Variants in HRCT1 observed in about 807,000 individuals in gnomAD.
HRCT1 encodes histidine-rich carboxyl terminus protein 1.
For synonymous variants in HRCT1, 76 were observed against 69.0 expected (o/e 1.10, Z -0.50); for missense variants, 185 against 161.3 (o/e 1.15, Z -0.80).
Position 35,906,598 on chromosome 9 carries a change from A to ACCACCACCACCCCCACCACCCCCACCC in HRCT1, c.316_317insACCACCCCCACCACCCCCACCCCCACC (p.His105_Pro106insHisHisProHisHisProHisProHis). On this transcript the variant is annotated inframe_insertion, in exon 1 of 1. Transcript: ENST00000354323. ...ACCCCTCACCACCTCCACCACCACCACCACCCCCACCGCCACCATCCCCGC... is the reference window on the plus strand; with the variant it reads ...ACCCCTCACCACCTCCACCACCACCACCACCACCACCCCCACCACCCCCACCCCCACCCCCACCGCCACCATCCCCGC... 17 of 1,194,686 alleles carry ACCACCACCACCCCCACCACCCCCACCC rather than the reference A, an allele frequency of 1.4e-5. No homozygotes were observed. In the East Asian group the frequency reaches 5.6e-4, roughly 39 times the overall value. The allele number at this position is 1,194,686 out of a possible 1,614,324, so 74.0% of individuals were successfully genotyped here.
the HRCT1 span, chr9:35,906,604 C>CCACCACCACCCCCACCACCACCA: frequency 1.7e-6 from 2 of 1,157,698 alleles, no homozygotes; most frequent in African/African-American, 5.8e-5. Context: ...CACCACCACC[C>CCACCACCACCCCCACCACCACCA]CCACCGCCAC....
chr9:35,906,590 C>CCCCT, the HRCT1 span: 13 of 1,478,906 alleles, frequency 8.8e-6, no homozygotes, highest in South Asian at 1.2e-5. Context: ...ACCACCTCCA[C>CCCCT]CACCACCACC....
chr9:35,906,590 C>A lies in HRCT1; in HGVS notation c.303C>A (p.His101Gln). 2 of 1,478,966 alleles carry A rather than the reference C, an allele frequency of 1.4e-6. No homozygotes were observed. The highest frequency in any genetic ancestry group is 1.8e-6 in the Non-Finnish European group (2 of 1,116,906). The allele number at this position is 1,478,966 out of a possible 1,614,324, so 91.6% of individuals were successfully genotyped here. ...HHPRHTPHHL[H>Q]HHHHPHRHHP... Reference sequence around the variant, plus strand: ...CCCGCCACACCCCTCACCACCTCCACCACCACCACCACCCCCACCGCCACC... The same window carrying A: ...CCCGCCACACCCCTCACCACCTCCAACACCACCACCACCCCCACCGCCACC... Residue 101 changes from histidine (H) to glutamine (Q), a missense_variant, in exon 1 of 1, where the codon CAC becomes CAA. His to Gln is a conservative substitution (Grantham distance 24, BLOSUM62 0). Coordinates refer to ENST00000354323, the MANE Select transcript of HRCT1 (RefSeq NM_001039792.2).
Position 35,906,547 on chromosome 9 carries a change from T to TCCACCA in HRCT1, c.272_277dup (p.His91_His92dup), listed in dbSNP as rs750046144. 6.6e-5 allele frequency: 98 copies of TCCACCA among 1,486,978 alleles called. No homozygotes were observed. The African/African-American group carries it at 1.4e-3, about 21-fold the overall frequency. 92.1% of individuals were successfully genotyped at this position (1,486,978 alleles called of 1,614,324 possible). A position where few individuals can be genotyped will look rare whatever the true frequency, so the allele number is the denominator to read the frequency against. ...GTATCTCATGTGCCGAATGTGGGCC[T>TCCACCA]CCACCACCACCACCACCCCCGCCAC... On this transcript the variant is annotated inframe_insertion, in exon 1 of 1. Transcript: ENST00000354323.
Position 35,906,429 on chromosome 9 carries a change from G to A in HRCT1, c.142G>A (p.Ala48Thr), listed in dbSNP as rs1421885975. The A allele has an allele frequency of 6.2e-7, 1 of 1,612,948 alleles. No individual in the cohort carries two copies. Among genetic ancestry groups the A allele is most frequent in the East Asian group, 2.2e-5 (1 of 44,898 alleles). The change falls in exon 1 of 1, where the codon GCA (alanine) becomes ACA (threonine). Residue 48 changes from alanine (A) to threonine (T), a missense_variant. Transcript: ENST00000354323. ...TGACGTGGAGAGGAACCGTACAGCTGCAGGGGGAAACCGAGTCCGCCGGGC... is the reference window on the plus strand; with the variant it reads ...TGACGTGGAGAGGAACCGTACAGCTACAGGGGGAAACCGAGTCCGCCGGGC... ...DCDVERNRTA[A>T]GGNRVRRAQP...
rs758843532 is a variant in HRCT1 at position 35,906,439 on chromosome 9, A to C, written c.152A>C (p.Asn51Thr). 6 of 1,612,780 alleles carry C rather than the reference A, an allele frequency of 3.7e-6. No individual in the cohort carries two copies. The highest frequency in any genetic ancestry group is 4.2e-6 in the Non-Finnish European group (5 of 1,179,968). The change falls in exon 1 of 1, where the codon AAC (asparagine) becomes ACC (threonine). Residue 51 changes from asparagine to threonine, a missense_variant. Physicochemically the swap from Asn to Thr is moderately conservative, Grantham distance 65. Transcript: ENST00000354323. ...VERNRTAAGG[N>T]RVRRAQPWPF... ...AGGAACCGTACAGCTGCAGGGGGAA[A>C]CCGAGTCCGCCGGGCCCAGCCTTGG...
At position 35,906,578 on chromosome 9, in the gene HRCT1, T is replaced by TCACCACCACCAC. The variant is rs1554690872; in HGVS notation, c.298_299insACCACCACCACC (p.His99_Leu100insHisHisHisHis). ...ACCACCACCACCCCCGCCACACCCC[T>TCACCACCACCAC]CACCACCTCCACCACCACCACCACC... is the stretch of plus-strand genomic sequence containing the variant. On this transcript the variant is annotated inframe_insertion, in exon 1 of 1. Transcript: ENST00000354323. The TCACCACCACCAC allele has an allele frequency of 5.5e-6, 7 of 1,277,896 alleles. No homozygotes were observed. The South Asian group carries it at 6.2e-5, about 11-fold the overall frequency. 79.2% of individuals were successfully genotyped at this position (1,277,896 alleles called of 1,614,324 possible). A position where few individuals can be genotyped will look rare whatever the true frequency, so the allele number is the denominator to read the frequency against.
At position 35,906,568 on chromosome 9, in the gene HRCT1, GCCACACCCCTCACCACCT is replaced by G; in HGVS notation, c.286_303del (p.Thr96_His101del). ...GGCCTCCACCACCACCACCACCCCC[GCCACACCCCTCACCACCT>G]CCACCACCACCACCACCCCCACCGC... On this transcript the variant is annotated inframe_deletion, in exon 1 of 1. Transcript: ENST00000354323. The G allele has an allele frequency of 2.0e-6, 2 of 995,206 alleles. No individual in the cohort carries two copies. The highest frequency in any genetic ancestry group is 2.9e-6 in the Non-Finnish European group (2 of 701,134). 61.6% of individuals were successfully genotyped at this position (995,206 alleles called of 1,614,324 possible). A position where few individuals can be genotyped will look rare whatever the true frequency, so the allele number is the denominator to read the frequency against.
At position 35,906,278 on chromosome 9, in the gene HRCT1, C is replaced by T. The variant is rs771326655; in HGVS notation, c.-10C>T. The T allele has an allele frequency of 4.3e-5, 68 of 1,590,410 alleles. No homozygotes were observed. The East Asian group carries it at 9.6e-4, about 23-fold the overall frequency. ...AGCTGCTGGGCAGAGAGGGACTGTCCGGCTCCCAGATGCTGGGCCTCCTGG... is the reference window on the plus strand; with the variant it reads ...AGCTGCTGGGCAGAGAGGGACTGTCTGGCTCCCAGATGCTGGGCCTCCTGG... On this transcript the variant is annotated 5_prime_UTR_variant, in exon 1 of 1. Coordinates refer to ENST00000354323, the MANE Select transcript of HRCT1 (RefSeq NM_001039792.2).
In HRCT1 at chr9:35,906,902, T is replaced by G; in HGVS notation, c.*267T>G. The G allele has an allele frequency of 2.0e-6, 1 of 509,374 alleles. No homozygotes were observed. Among genetic ancestry groups the G allele is most frequent in the Non-Finnish European group, 3.6e-6 (1 of 277,580 alleles). The allele number at this position is 509,374 out of a possible 1,614,324, so 31.6% of individuals were successfully genotyped here. On this transcript the variant is annotated 3_prime_UTR_variant, in exon 1 of 1. Transcript: ENST00000354323. ...CTCTTTCGGGGCTGGACAGCCCGTC[T>G]TGTGACAGTGACTCCCAGTGAGCCC... is the stretch of plus-strand genomic sequence containing the variant.
Position 35,906,761 on chromosome 9 carries a change from C to G in HRCT1, c.*126C>G. On this transcript the variant is annotated 3_prime_UTR_variant, in exon 1 of 1. Transcript: ENST00000354323. ...TGGGGTGAACGAGGGGAACAATAGA[C>G]TGGGGCTTGCTCCAGCTGCATTTGC... 7.5e-7 allele frequency: 1 copy of G among 1,329,004 alleles called. No homozygotes were observed. The allele number at this position is 1,329,004 out of a possible 1,614,324, so 82.3% of individuals were successfully genotyped here.
Position 35,906,246 on chromosome 9 carries a change from AG to A in HRCT1, c.-41del. On this transcript the variant is annotated 5_prime_UTR_variant, in exon 1 of 1. It adds an upstream start codon to the 5' untranslated region. Transcript: ENST00000354323. ...CGGAGGCTGCTGAAGGGGAGAAAGGAGTGAGGAGCTGCTGGGCAGAGAGGGA... is the reference window on the plus strand; with the variant it reads ...CGGAGGCTGCTGAAGGGGAGAAAGGATGAGGAGCTGCTGGGCAGAGAGGGA... 6.4e-7 allele frequency: 1 copy of A among 1,559,010 alleles called. No homozygotes were observed. The highest frequency in any genetic ancestry group is 8.7e-7 in the Non-Finnish European group (1 of 1,150,982).
chr9:35,906,717 A>G lies in HRCT1; in HGVS notation c.*82A>G, dbSNP rs890817444. On this transcript the variant is annotated 3_prime_UTR_variant, in exon 1 of 1. Coordinates refer to ENST00000354323, the MANE Select transcript of HRCT1 (RefSeq NM_001039792.2). ...CAGGACAAGTGGACCCCATGTTTCC[A>G]TGTGGAAGGATGCATCTCTGGGGTG... 5.4e-6 allele frequency: 8 copies of G among 1,491,416 alleles called. No individual in the cohort carries two copies. The African/African-American group carries it at 1.1e-4, about 21-fold the overall frequency. 92.4% of individuals were successfully genotyped at this position (1,491,416 alleles called of 1,614,324 possible). A position where few individuals can be genotyped will look rare whatever the true frequency, so the allele number is the denominator to read the frequency against.
In HRCT1 at chr9:35,906,598, A is replaced by ACCACCC. The variant is rs762598108; in HGVS notation, c.317_322dup (p.Pro106_His107dup). 7,544 of 1,194,996 alleles carry ACCACCC rather than the reference A, an allele frequency of 6.3e-3. 76 individuals are homozygous for ACCACCC. The highest frequency in any genetic ancestry group is 0.012 in the East Asian group (372 of 30,292). 74.0% of individuals were successfully genotyped at this position (1,194,996 alleles called of 1,614,324 possible). ...ACCCCTCACCACCTCCACCACCACC[A>ACCACCC]CCACCCCCACCGCCACCATCCCCGC... On this transcript the variant is annotated inframe_insertion, in exon 1 of 1. Transcript: ENST00000354323.
chr9:35,906,610 G>GCCA lies in HRCT1; in HGVS notation c.327_329dup (p.His110dup). On this transcript the variant is annotated inframe_insertion, in exon 1 of 1. Coordinates refer to ENST00000354323, the MANE Select transcript of HRCT1 (RefSeq NM_001039792.2). ...CTCCACCACCACCACCACCCCCACC[G>GCCA]CCACCATCCCCGCCACGCTCGCTGA... 2 of 611,856 alleles carry GCCA rather than the reference G, an allele frequency of 3.3e-6. No individual in the cohort carries two copies. The highest frequency in any genetic ancestry group is 6.6e-5 in the African/African-American group (1 of 15,198). 37.9% of individuals were successfully genotyped at this position (611,856 alleles called of 1,614,324 possible).
rs1833108905 is a variant in HRCT1, at chr9:35,906,739, G to A, written c.*104G>A. 2.7e-6 allele frequency: 4 copies of A among 1,461,678 alleles called. No individual in the cohort carries two copies. The South Asian group carries it at 4.0e-5, about 15-fold the overall frequency. The allele number at this position is 1,461,678 out of a possible 1,614,324, so 90.5% of individuals were successfully genotyped here. A position where few individuals can be genotyped will look rare whatever the true frequency, so the allele number is the denominator to read the frequency against. ...TCCATGTGGAAGGATGCATCTCTGG[G>A]GTGAACGAGGGGAACAATAGACTGG... On this transcript the variant is annotated 3_prime_UTR_variant, in exon 1 of 1. Coordinates refer to ENST00000354323, the MANE Select transcript of HRCT1 (RefSeq NM_001039792.2).
Position 35,906,550 on chromosome 9 carries a change from A to G in HRCT1, c.263A>G (p.His88Arg). 1 of 1,534,806 alleles carries G rather than the reference A, an allele frequency of 6.5e-7. No homozygotes were observed. The highest frequency in any genetic ancestry group is 8.8e-7 in the Non-Finnish European group (1 of 1,135,874). Reference protein sequence around the residue: ...HVSHVPNVGLHHHHHPRHTPH... With the variant: ...HVSHVPNVGLRHHHHPRHTPH... ...TCTCATGTGCCGAATGTGGGCCTCC[A>G]CCACCACCACCACCCCCGCCACACC... Residue 88 changes from histidine to arginine, a missense_variant, in exon 1 of 1, where the codon CAC becomes CGC. Transcript: ENST00000354323.
In HRCT1 at chr9:35,906,564, C is replaced by A; in HGVS notation, c.277C>A (p.Pro93Thr). The change falls in exon 1 of 1, where the codon CCC (proline) becomes ACC (threonine). Residue 93 changes from proline (P) to threonine (T), a missense_variant. By Grantham distance (38) the Pro-to-Thr change is conservative. Transcript: ENST00000354323. ...PNVGLHHHHH[P>T]RHTPHHLHHH... ...TGTGGGCCTCCACCACCACCACCACCCCCGCCACACCCCTCACCACCTCCA... is the reference window on the plus strand; with the variant it reads ...TGTGGGCCTCCACCACCACCACCACACCCGCCACACCCCTCACCACCTCCA... 1 of 1,564,426 alleles carries A rather than the reference C, an allele frequency of 6.4e-7. No individual in the cohort carries two copies. The highest frequency in any genetic ancestry group is 8.6e-7 in the Non-Finnish European group (1 of 1,156,336).
chr9:35,906,376 C>G lies in HRCT1; in HGVS notation c.89C>G (p.Thr30Ser), dbSNP rs1833081332. The change falls in exon 1 of 1, where the codon ACC becomes AGC. Residue 30 changes from threonine (T) to serine (S), a missense_variant. Coordinates refer to ENST00000354323, the MANE Select transcript of HRCT1 (RefSeq NM_001039792.2). Reference protein sequence around the residue: ...AVLLLLLLLATCLFHGRQDCD... With the variant: ...AVLLLLLLLASCLFHGRQDCD... Reference sequence around the variant, plus strand: ...CTGCTGCTGCTGCTGCTGCTGGCCACCTGCCTTTTCCACGGACGGCAGGAC... The same window carrying G: ...CTGCTGCTGCTGCTGCTGCTGGCCAGCTGCCTTTTCCACGGACGGCAGGAC... 1 of 1,612,234 alleles carries G rather than the reference C, an allele frequency of 6.2e-7. No individual in the cohort carries two copies. The highest frequency in any genetic ancestry group is 1.1e-5 in the South Asian group (1 of 91,084).
Sources: allele counts gnomAD v4.1 joint callset, GRCh38; gene constraint gnomAD v4.1.1; transcripts MANE v1.5; gene names NCBI Gene and HGNC (gene_info 2026-07-23, HGNC 2026-07-21).